The following RANBP2 variants were observed in gnomAD, a reference collection of about 807,000 sequenced individuals.
RANBP2 encodes RAN binding protein 2, also known as E3 SUMO-protein ligase RanBP2.
RANBP2 carries 57 observed loss-of-function variants against 303.6 expected under a neutral mutation model. That is an observed-to-expected ratio of 0.19 (90% confidence interval 0.15 to 0.23). The LOEUF is 0.23. Among genes scored for constraint, RANBP2 ranks in the 10% least tolerant of loss-of-function variants. The pLI, the probability that RANBP2 is intolerant of heterozygous loss-of-function variation, is 1.00. For missense variants in RANBP2, 3,138 were observed against 3,780.8 expected (o/e 0.83, Z 4.46); for synonymous variants, 1,167 against 1,301.5 (o/e 0.90, Z 2.23).
intron 8 of RANBP2, among the ~76,000 whole-genome samples, chr2:108,748,224 C>A (rs75408070): frequency 1.3e-5 from 2 of 148,932 alleles, no homozygotes; most frequent in African/African-American, 4.9e-5. Flanking sequence ...TTTTTTTTTC[C>A]TGAGACAGAG....
At chr2:109,234,119 T>G in the RANBP2 span, among the ~76,000 whole-genome samples, 4 of 152,216 alleles carry the variant, frequency 2.6e-5, no homozygotes, top group Non-Finnish European at 5.9e-5. Flanking sequence ...TTTAATTTCC[T>G]TATAGGAAAT....
At chr2:109,237,256 G>C in the RANBP2 span, among the ~76,000 whole-genome samples, 1 of 152,126 alleles carries the variant, frequency 6.6e-6, no homozygotes, top group Admixed American at 6.5e-5. Context: ...GTCAGTAGAG[G>C]AACTGACAAT....
At chr2:108,939,044 C>T in the RANBP2 span, among the ~76,000 whole-genome samples, 13 of 151,800 alleles carry the variant, frequency 8.6e-5, no homozygotes, top group African/African-American at 2.9e-4. Flanking sequence ...TCCCAAAGTG[C>T]TGGGATTACA....
chr2:109,643,605 C>CA, the RANBP2 span, among the ~76,000 whole-genome samples: 271 of 148,192 alleles, frequency 1.8e-3, no homozygotes, highest in Middle Eastern at 3.5e-3. Context: ...ACTAAAAATA[C>CA]AAAAAAAAAA....
the RANBP2 span, chr2:108,929,388 G>C: frequency 6.2e-7 from 1 of 1,613,954 alleles, no homozygotes; most frequent in East Asian, 2.2e-5. Flanking sequence ...GACTGTCCAG[G>C]GAAAGAGGAC....
chr2:109,438,569 C>T, the RANBP2 span, among the ~76,000 whole-genome samples: 102,271 of 152,052 alleles, frequency 0.67, 34,775 homozygotes, highest in African/African-American at 0.74. Flanking sequence ...TTACTTAAAT[C>T]AGCTAAGAAT....
At chr2:109,636,198 C>T in the RANBP2 span, among the ~76,000 whole-genome samples, 1 of 152,296 alleles carries the variant, frequency 6.6e-6, no homozygotes, top group South Asian at 2.1e-4. Context: ...TGTCTATAAG[C>T]CACCAAGTCT....
At chr2:109,022,213 G>T in the RANBP2 span, among the ~76,000 whole-genome samples, 1 of 152,222 alleles carries the variant, frequency 6.6e-6, no homozygotes, top group South Asian at 2.1e-4. Flanking sequence ...GGCATGCGAA[G>T]TGGGGTGCCT....
the RANBP2 span, among the ~76,000 whole-genome samples, chr2:109,258,265 T>TG: frequency 6.6e-6 from 1 of 152,114 alleles, no homozygotes; most frequent in Non-Finnish European, 1.5e-5. Context: ...CTGAAGGGAA[T>TG]GTTTACTGAG....
chr2:109,360,017 G>A, the RANBP2 span, among the ~76,000 whole-genome samples: 180 of 150,894 alleles, frequency 1.2e-3, 1 homozygote, highest in African/African-American at 4.2e-3. Context: ...CATCCACAGA[G>A]GACCCACTTA....
chr2:109,276,409 C>A, the RANBP2 span, among the ~76,000 whole-genome samples: 1 of 152,182 alleles, frequency 6.6e-6, no homozygotes, highest in Non-Finnish European at 1.5e-5. Flanking sequence ...GAGTGACTGT[C>A]AGTCCAGGCC....
chr2:109,724,079 G>A, the RANBP2 span, among the ~76,000 whole-genome samples: 1 of 152,122 alleles, frequency 6.6e-6, no homozygotes, highest in Non-Finnish European at 1.5e-5. Context: ...GATGGTTGTA[G>A]GTGTGCAGTC....
the RANBP2 span, among the ~76,000 whole-genome samples, chr2:109,282,515 G>A: frequency 6.6e-6 from 1 of 152,134 alleles, no homozygotes; most frequent in Non-Finnish European, 1.5e-5. Context: ...CCCTGCGGTG[G>A]GAGGACAGGG....
chr2:108,922,106 C>T, the RANBP2 span, among the ~76,000 whole-genome samples: 1 of 152,236 alleles, frequency 6.6e-6, no homozygotes, highest in Non-Finnish European at 1.5e-5. Flanking sequence ...GGCTGCCAGA[C>T]ATTGAACATT....
At chr2:109,637,466 T>C in the RANBP2 span, among the ~76,000 whole-genome samples, 1 of 152,170 alleles carries the variant, frequency 6.6e-6, no homozygotes, top group Non-Finnish European at 1.5e-5. Context: ...CACAAGGCCA[T>C]ATTTCAGACT....
chr2:109,579,034 T>A, the RANBP2 span, among the ~76,000 whole-genome samples: 1 of 152,110 alleles, frequency 6.6e-6, no homozygotes, highest in African/African-American at 2.4e-5. Context: ...CAACACTTTG[T>A]CAAGACTAAT....
chr2:109,449,571 T>C, the RANBP2 span: 2 of 1,493,822 alleles, frequency 1.3e-6, no homozygotes, highest in South Asian at 2.7e-5. Context: ...GCAGTGGCAT[T>C]TGTGCAATTG....
At chr2:108,814,027 G>T in the RANBP2 span, among the ~76,000 whole-genome samples, 3 of 152,106 alleles carry the variant, frequency 2.0e-5, no homozygotes, top group Non-Finnish European at 2.9e-5. Flanking sequence ...GTTTTTGTCT[G>T]CAATAAATAA....
the RANBP2 span, among the ~76,000 whole-genome samples, chr2:109,699,830 G>A: frequency 3.3e-5 from 5 of 152,272 alleles, no homozygotes; most frequent in East Asian, 5.8e-4. Context: ...ACCAGCGGAG[G>A]GGAGGGCTCT....
Sources: allele counts gnomAD v4.1 joint callset (sites outside exome capture counted in the v4.1 genomes callset), GRCh38; gene constraint gnomAD v4.1.1; transcripts MANE v1.5; gene names NCBI Gene and HGNC (gene_info 2026-07-23, HGNC 2026-07-21).